The following RGN variants were observed in gnomAD, a reference collection of about 807,000 sequenced individuals.
The protein encoded by RGN is epididymis secretory protein Li 41.
A neutral mutation model predicts 20.6 loss-of-function variants in RGN; 19 were observed. That is an observed-to-expected ratio of 0.92 (90% CI 0.64 to 1.35). The LOEUF is 1.35. Ranked by LOEUF, RGN falls within the 40% of genes most tolerant of loss-of-function variation. The pLI is 0.00. For synonymous variants in RGN, 85 were observed against 87.2 expected, an observed-to-expected ratio of 0.97 and a Z score of 0.14; for missense variants, 302 against 232.7, an observed-to-expected ratio of 1.30 and a Z score of -1.94.
In RGN at chrX:47,083,927, A is replaced by C. The variant is rs1164636451; in HGVS notation, c.164-491A>C. On this transcript the variant is annotated intron_variant, in intron 3 of 7. Coordinates refer to ENST00000397180, the MANE Select transcript of RGN (RefSeq NM_152869.4). ...AACTCTGTCTCAAACAAAACAAACA[A>C]AAAAAAAAATGCAAATCCTGGATTG... 4.5e-5 allele frequency among the ~76,000 whole-genome samples: 5 copies of C among 110,229 alleles called. 1 individual carries two copies. Among genetic ancestry groups the C allele is most frequent in the Admixed American group, 9.8e-5 (1 of 10,251 alleles).
chrX:47,090,108 T>C, intron 5 of RGN, 117 bp downstream of exon 5: 4 of 458,732 alleles, frequency 8.7e-6, no homozygotes, highest in Non-Finnish European at 1.1e-5. Context: ...ATGGAGAGCT[T>C]TCTGATGCTA....
intron 4 of RGN, among the ~76,000 whole-genome samples, chrX:47,087,893 ATAAT>A (rs1270008385): frequency 2.9e-5 from 3 of 101,810 alleles, no homozygotes; most frequent in South Asian, 3.9e-4. Context: ...ATAAGCATAT[ATAAT>A]ATAATCATAT....
intron 4 of RGN, among the ~76,000 whole-genome samples, chrX:47,088,757 C>T (rs1295642475): frequency 9.4e-6 from 1 of 105,892 alleles, no homozygotes; most frequent in Non-Finnish European, 1.9e-5. Flanking sequence ...CACAGTGAAA[C>T]CCCGTCTCTA....
At chrX:47,089,259 C>T (rs1930763214) in intron 4 of RGN, among the ~76,000 whole-genome samples, 1 of 80,932 alleles carries the variant, frequency 1.2e-5, no homozygotes, top group Non-Finnish European at 2.4e-5. Flanking sequence ...AAATGAGGTT[C>T]GTGCATGTTT....
Position 47,089,763 on chromosome X carries a change from T to C in RGN, c.347-13T>C, listed in dbSNP as rs782467219. ...GCTATGGGGCAGAGCTCAGTGCTCT[T>C]TGGTTTTTGTAGGCACCATGGCTGA... On this transcript the variant is annotated splice_polypyrimidine_tract_variant and intron_variant, in intron 4 of 7. Coordinates refer to ENST00000397180, the MANE Select transcript of RGN (RefSeq NM_152869.4). The C allele has an allele frequency of 5.0e-6, 6 of 1,194,901 alleles. No homozygotes were observed. The highest frequency in any genetic ancestry group is 6.8e-6 in the Non-Finnish European group (6 of 885,588).
At chrX:47,086,927 T>C (rs1319916093) in intron 4 of RGN, among the ~76,000 whole-genome samples, 1 of 110,681 alleles carries the variant, frequency 9.0e-6, no homozygotes, top group Non-Finnish European at 1.9e-5. Context: ...GTGAGAATGC[T>C]GAAAGGTGGG....
chrX:47,090,969 A>T (rs781963425), intron 5 of RGN, among the ~76,000 whole-genome samples: 1 of 108,273 alleles, frequency 9.2e-6, no homozygotes, highest in African/African-American at 3.4e-5. Flanking sequence ...AGAAAGAAAG[A>T]AAGAAAGAAA....
At chrX:47,088,768 C>T (rs962910859) in intron 4 of RGN, among the ~76,000 whole-genome samples, 12 of 104,464 alleles carry the variant, frequency 1.1e-4, no homozygotes, top group Non-Finnish European at 1.8e-4. Context: ...CCCGTCTCTA[C>T]AAAAAAAATA....
rs1556381404 is a variant in RGN, at chrX:47,081,521, T to TG, written c.163+214_163+215insG. ...GAGGGGCAACATTCCTAGTTTTTTT[T>TG]TGGGGGGGGGGGTGTTTTTGTTTAT... On this transcript the variant is annotated intron_variant, in intron 3 of 7. Transcript: ENST00000397180. Among the ~76,000 whole-genome samples, 97 of 69,968 alleles carry TG rather than the reference T, an allele frequency of 1.4e-3. 1 individual carries two copies. Among genetic ancestry groups the TG allele is most frequent in the African/African-American group, 5.3e-3 (96 of 18,032 alleles). The allele number at this position is 69,968 out of a possible 115,157, so 60.8% of individuals were successfully genotyped here. A position where few individuals can be genotyped will look rare whatever the true frequency, so the allele number is the denominator to read the frequency against.
At chrX:47,090,965 A>AAGGAAGGAAAGAAAAAGAAAGAAAGAAAG (rs1556387572) in intron 5 of RGN, among the ~76,000 whole-genome samples, 1 of 105,601 alleles carries the variant, frequency 9.5e-6, no homozygotes, top group Admixed American at 1.0e-4. Flanking sequence ...AGAAAGAAAG[A>AAGGAAGGAAAGAAAAAGAAAGAAAGAAAG]AAGAAAGAAA....
chrX:47,090,835 C>T (rs1223475887), intron 5 of RGN, among the ~76,000 whole-genome samples: 1 of 99,503 alleles, frequency 1.0e-5, no homozygotes, highest in Non-Finnish European at 2.0e-5. Context: ...TGTACTCCTG[C>T]CTGACGACAG....
intron 4 of RGN, among the ~76,000 whole-genome samples, chrX:47,086,067 T>TA (rs1930573630): frequency 8.9e-6 from 1 of 112,282 alleles, no homozygotes; most frequent in African/African-American, 3.2e-5. Context: ...ATCTCTTTGA[T>TA]CTTTTTTAAA....
At chrX:47,089,142 C>T (rs1209680175) in intron 4 of RGN, among the ~76,000 whole-genome samples, 3 of 29,966 alleles carry the variant, frequency 1.0e-4, no homozygotes, top group South Asian at 1.4e-3. Flanking sequence ...CTGCATGAGC[C>T]GAGACTGCAT....
chrX:47,082,303 C>CTTTTTTT (rs11286766), intron 3 of RGN, among the ~76,000 whole-genome samples: 12 of 59,250 alleles, frequency 2.0e-4, no homozygotes, highest in Non-Finnish European at 2.7e-4. Context: ...GGGACCTCAA[C>CTTTTTTT]TTTTTTTTTT....
chrX:47,079,971 C>T (rs1173573490), intron 1 of RGN, among the ~76,000 whole-genome samples: 1 of 110,771 alleles, frequency 9.0e-6, no homozygotes, highest in Non-Finnish European at 1.9e-5. Flanking sequence ...GCAGCCTCCA[C>T]CTCCTGAACT....
intron 4 of RGN, 23 bp downstream of exon 4, chrX:47,084,623 C>A: frequency 1.8e-6 from 2 of 1,131,571 alleles, no homozygotes; most frequent in Non-Finnish European, 2.4e-6. Context: ...TTAACACCTA[C>A]TTATTACTGA....
At chrX:47,088,457 C>A (rs1417028636) in intron 4 of RGN, among the ~76,000 whole-genome samples, 1 of 110,681 alleles carries the variant, frequency 9.0e-6, no homozygotes, top group Non-Finnish European at 1.9e-5. Flanking sequence ...AGGATCGACC[C>A]TGTCTTGCTT....
chrX:47,084,285 C>T, intron 3 of RGN, 133 bp from the exon 4 acceptor site: 1 of 478,551 alleles, frequency 2.1e-6, no homozygotes, highest in Middle Eastern at 6.2e-4. Context: ...CCCTACTCAA[C>T]AGAAGGAAGA....
In RGN at chrX:47,081,240, A is replaced by G. The variant is rs368904052; in HGVS notation, c.96A>G (p.Val32=). 2.5e-6 allele frequency: 3 copies of G among 1,207,328 alleles called. No individual in the cohort carries two copies. The highest frequency in any genetic ancestry group is 1.8e-5 in the South Asian group (1 of 56,743). Residue 32 remains valine (V), a synonymous_variant, in exon 3 of 8, where the codon GTA becomes GTG. Coordinates refer to ENST00000397180, the MANE Select transcript of RGN (RefSeq NM_152869.4). ...WEEVSNSLLF[V]DIPAKKVCRW... Reference sequence around the variant, plus strand: ...AAGTGTCCAACTCTCTGCTCTTTGTAGACATTCCTGCAAAAAAGGTTTGCC... The same window carrying G: ...AAGTGTCCAACTCTCTGCTCTTTGTGGACATTCCTGCAAAAAAGGTTTGCC...
Sources: allele counts gnomAD v4.1 joint callset (sites outside exome capture counted in the v4.1 genomes callset), GRCh38; gene constraint gnomAD v4.1.1; transcripts MANE v1.5; gene names NCBI Gene and HGNC (gene_info 2026-07-23, HGNC 2026-07-21).